PPARGC1A: variants seen among roughly 807,000 people sequenced by gnomAD.
The protein encoded by PPARGC1A is peroxisome proliferator-activated receptor gamma coactivator 1-alpha.
In PPARGC1A, 25 loss-of-function variants were observed where a neutral mutation model predicts 88.7. That is an observed-to-expected ratio of 0.28 (90% CI 0.21 to 0.39). PPARGC1A has a LOEUF of 0.39. PPARGC1A is among the 10% of genes least tolerant of loss of function. The pLI, the probability that PPARGC1A is intolerant of heterozygous loss-of-function variation, is 1.00. For synonymous variants in PPARGC1A, 363 were observed against 355.6 expected, an observed-to-expected ratio of 1.02 and a Z score of -0.24; for missense variants, 880 against 968.7, an observed-to-expected ratio of 0.91 and a Z score of 1.22.
chr4:24,178,456 A>G, the PPARGC1A span, among the ~76,000 whole-genome samples: 1 of 152,230 alleles, frequency 6.6e-6, no homozygotes, highest in Admixed American at 6.5e-5. Flanking sequence ...AAACAGTACC[A>G]AATCTTTTCT....
the PPARGC1A span, among the ~76,000 whole-genome samples, chr4:24,332,260 G>T: frequency 1.3e-5 from 2 of 152,098 alleles, no homozygotes; most frequent in Non-Finnish European, 2.9e-5. Context: ...TTACAGGCAT[G>T]AACCACCATG....
the PPARGC1A span, among the ~76,000 whole-genome samples, chr4:24,440,609 C>T: frequency 1.3e-5 from 2 of 152,148 alleles, no homozygotes; most frequent in South Asian, 4.1e-4. Flanking sequence ...TGAGACCAGC[C>T]TGGCCAACAT....
the PPARGC1A span, among the ~76,000 whole-genome samples, chr4:24,296,281 G>A: frequency 6.6e-6 from 1 of 151,374 alleles, no homozygotes; most frequent in Non-Finnish European, 1.5e-5. Flanking sequence ...TAATTGTTTA[G>A]TATAAGCATG....
the PPARGC1A span, among the ~76,000 whole-genome samples, chr4:24,002,180 G>T: frequency 1.3e-5 from 2 of 151,964 alleles, no homozygotes; most frequent in Non-Finnish European, 2.9e-5. Flanking sequence ...AGGCTGGAGT[G>T]CAGTGGCACG....
chr4:24,139,190 G>A, the PPARGC1A span, among the ~76,000 whole-genome samples: 1 of 151,550 alleles, frequency 6.6e-6, no homozygotes, highest in Non-Finnish European at 1.5e-5. Context: ...CTGGAGTGCA[G>A]TGGTGCGATC....
the PPARGC1A span, among the ~76,000 whole-genome samples, chr4:24,106,702 G>T: frequency 6.6e-6 from 1 of 152,174 alleles, no homozygotes; most frequent in African/African-American, 2.4e-5. Flanking sequence ...CAGCTGCCTT[G>T]TCCCTTGCTT....
the PPARGC1A span, among the ~76,000 whole-genome samples, chr4:24,082,238 A>G: frequency 6.6e-6 from 1 of 152,170 alleles, no homozygotes; most frequent in African/African-American, 2.4e-5. Context: ...CCCAATATAA[A>G]TGGTGAGCAT....
chr4:23,918,342 C>A, the PPARGC1A span, among the ~76,000 whole-genome samples: 1 of 151,870 alleles, frequency 6.6e-6, no homozygotes, highest in African/African-American at 2.4e-5. Context: ...CTGCCTTAGC[C>A]CCCTGAGTAG....
the PPARGC1A span, among the ~76,000 whole-genome samples, chr4:24,183,127 T>G: frequency 3.3e-5 from 5 of 152,182 alleles, no homozygotes; most frequent in African/African-American, 1.2e-4. Flanking sequence ...ATGACATATT[T>G]GAGGTAAAGC....
At chr4:24,338,563 A>G in the PPARGC1A span, among the ~76,000 whole-genome samples, 1 of 152,200 alleles carries the variant, frequency 6.6e-6, no homozygotes, top group Non-Finnish European at 1.5e-5. Context: ...AAACAAATCA[A>G]AATTCATTTG....
the PPARGC1A span, among the ~76,000 whole-genome samples, chr4:24,193,730 T>C: frequency 6.6e-6 from 1 of 152,188 alleles, no homozygotes; most frequent in African/African-American, 2.4e-5. Flanking sequence ...CTTACTGTTT[T>C]CCCCTTCAGC....
chr4:23,866,115 G>C (rs1014692422), intron 2 of PPARGC1A: 1 of 152,158 alleles, frequency 6.6e-6, no homozygotes, highest in African/African-American at 2.4e-5. Flanking sequence ...AAAGATACCA[G>C]GAATAGCCAG....
the PPARGC1A span, among the ~76,000 whole-genome samples, chr4:24,156,376 T>C: frequency 6.6e-6 from 1 of 152,022 alleles, no homozygotes; most frequent in Non-Finnish European, 1.5e-5. Context: ...TTTTTTTTTT[T>C]CTTACTAAAG....
At chr4:24,184,886 T>C in the PPARGC1A span, among the ~76,000 whole-genome samples, 357 of 151,824 alleles carry the variant, frequency 2.4e-3, 2 homozygotes, top group African/African-American at 8.1e-3. Context: ...GGAAGGAAAA[T>C]AAAATAGACA....
At chr4:23,863,083 C>G (rs1038161118) in intron 2 of PPARGC1A, among the ~76,000 whole-genome samples, 11 of 152,134 alleles carry the variant, frequency 7.2e-5, no homozygotes, top group African/African-American at 2.4e-4. Flanking sequence ...CATTTTTCCT[C>G]CCTTTTTTCA....
intron 5 of PPARGC1A, 145 bp downstream of exon 5, chr4:23,828,255 C>T (rs551152732): frequency 1.2e-6 from 1 of 824,004 alleles, no homozygotes; most frequent in Non-Finnish European, 1.9e-6. Flanking sequence ...GTTTCTTCCC[C>T]CGCTCTGTAA....
chr4:23,981,438 C>T, the PPARGC1A span, among the ~76,000 whole-genome samples: 2 of 152,082 alleles, frequency 1.3e-5, no homozygotes, highest in African/African-American at 2.4e-5. Flanking sequence ...GATACAATTG[C>T]CATAGAGATC....
the PPARGC1A span, among the ~76,000 whole-genome samples, chr4:24,256,160 C>T: frequency 6.6e-6 from 1 of 152,272 alleles, no homozygotes; most frequent in Non-Finnish European, 1.5e-5. Context: ...CATATTTCCA[C>T]TATTCCTCTT....
At chr4:24,200,713 G>C in the PPARGC1A span, among the ~76,000 whole-genome samples, 1 of 134,180 alleles carries the variant, frequency 7.5e-6, no homozygotes, top group Non-Finnish European at 1.6e-5. Context: ...TGTTAAATAT[G>C]GATACGGGAC....
Sources: gnomAD v4.1 joint callset for allele counts (sites outside exome capture counted in the v4.1 genomes callset) on GRCh38, gnomAD v4.1.1 for gene constraint, MANE v1.5 for transcripts, NCBI Gene and HGNC (gene_info 2026-07-23, HGNC 2026-07-21) for gene names.